The following ITPK1 variants were observed in gnomAD, a reference collection of about 807,000 sequenced individuals.
The protein encoded by ITPK1 is inositol 1,3,4-trisphosphate 5/6-kinase.
In ITPK1, 21 loss-of-function variants were observed where a neutral mutation model predicts 45.3. That is an observed-to-expected ratio of 0.46 (90% CI 0.33 to 0.67). The LOEUF (loss-of-function observed/expected upper bound fraction) is 0.67, where lower values mean the gene tolerates loss of function less well. Ranked by LOEUF, ITPK1 falls within the 30% of genes least tolerant of loss-of-function variation. The pLI is 0.02. For synonymous variants in ITPK1, 258 were observed against 253.6 expected (o/e 1.02, Z -0.16); for missense variants, 474 against 573.5 (o/e 0.83, Z 1.77).
chr14:93,059,540 C>A (rs2139948425), intron 3 of ITPK1, among the ~76,000 whole-genome samples: 1 of 33,646 alleles, frequency 3.0e-5, no homozygotes, highest in Admixed American at 4.2e-4. Context: ...GGGGAGGGTG[C>A]TGGTCATGAG....
chr14:92,969,661 C>T (rs1188217810), intron 5 of ITPK1, among the ~76,000 whole-genome samples: 4 of 152,098 alleles, frequency 2.6e-5, no homozygotes, highest in Admixed American at 1.3e-4. Context: ...GCAGTGGTGG[C>T]GCCAGCAGCT....
rs140150912 is a variant in ITPK1 at position 92,959,790 on chromosome 14, G to T, written c.505-1424C>A. ...AAACAAAACAAAAACCCAAATAAAA[G>T]AGTTCTGAGAACATAAAATGAAGAC... is the stretch of plus-strand genomic sequence containing the variant. On this transcript the variant is annotated intron_variant, in intron 7 of 10. Transcript: ENST00000267615. 3.5e-3 allele frequency among the ~76,000 whole-genome samples: 525 copies of T among 151,956 alleles called. 6 individuals are homozygous for T. The highest frequency in any genetic ancestry group is 0.012 in the African/African-American group (511 of 41,390).
intron 5 of ITPK1, among the ~76,000 whole-genome samples, chr14:92,989,631 G>A (rs1032558270): frequency 2.0e-5 from 3 of 152,144 alleles, no homozygotes; most frequent in African/African-American, 7.2e-5. Context: ...GGCTGCTGAT[G>A]GGAGAAAGAG....
At chr14:93,011,898 T>G (rs1887929872) in intron 4 of ITPK1, among the ~76,000 whole-genome samples, 1 of 132,680 alleles carries the variant, frequency 7.5e-6, no homozygotes, top group South Asian at 2.7e-4. Context: ...CCCTGCAGGA[T>G]AGAGTCCAAG....
At position 93,036,358 on chromosome 14, in the gene ITPK1, A is replaced by G. The variant is rs1388615615; in HGVS notation, c.121-19557T>C. On this transcript the variant is annotated intron_variant, in intron 3 of 10. Coordinates refer to ENST00000267615, the MANE Select transcript of ITPK1 (RefSeq NM_014216.6). The surrounding 1 kb of genome is among the most constrained non-coding windows in gnomAD (Gnocchi z 4.1). ...CTGTGACAGCGTGAGAAGAACTGCA[A>G]ACATCTCACTGAGGTTTAAGATAAA... Among the ~76,000 whole-genome samples the G allele has an allele frequency of 6.6e-6, 1 of 152,196 alleles. No individual in the cohort carries two copies. The highest frequency in any genetic ancestry group is 2.4e-5 in the African/African-American group (1 of 41,438).
chr14:93,016,768 G>C lies in ITPK1; in HGVS notation c.154C>G (p.Pro52Ala), dbSNP rs1183985457. Residue 52 changes from proline to alanine, a missense_variant, in exon 4 of 11, where the codon CCC becomes GCC. Physicochemically the swap from Pro to Ala is conservative, Grantham distance 27 (BLOSUM62 -1). Coordinates refer to ENST00000267615, the MANE Select transcript of ITPK1 (RefSeq NM_014216.6). The surrounding 1 kb of genome is among the most constrained non-coding windows in gnomAD (Gnocchi z 5.0). ...NLSRPIEEQGPLDVIIHKLTD... is the reference protein window; with the variant it reads ...NLSRPIEEQGALDVIIHKLTD... ...AGCTTGTGGATGATGACGTCCAGGG[G>C]GCCCTGCTCCTCGATCGGCCGGCTA... The C allele has an allele frequency of 1.2e-6, 2 of 1,613,998 alleles. No homozygotes were observed. The highest frequency in any genetic ancestry group is 1.7e-6 in the Non-Finnish European group (2 of 1,180,014).
chr14:93,104,213 C>T (rs531373104), intron 2 of ITPK1, among the ~76,000 whole-genome samples: 28 of 152,310 alleles, frequency 1.8e-4, no homozygotes, highest in Admixed American at 1.3e-3. Flanking sequence ...AGGCAGGGCG[C>T]GGTCGCTCAC....
intron 3 of ITPK1, among the ~76,000 whole-genome samples, chr14:93,043,342 A>G (rs1889642083): frequency 6.6e-6 from 1 of 152,224 alleles, no homozygotes; most frequent in Non-Finnish European, 1.5e-5. Flanking sequence ...TGGATTTCTG[A>G]GGGCAGGAAA....
chr14:93,075,855 C>G (rs1891199081), intron 3 of ITPK1, among the ~76,000 whole-genome samples: 1 of 140,448 alleles, frequency 7.1e-6, no homozygotes, highest in African/African-American at 3.1e-5. Flanking sequence ...CCCAGCTGCA[C>G]AGACCACAGT....
rs368165245 is a variant in ITPK1, at chr14:93,016,579, GAGCTGCTAC to G, written c.246+88_246+96del. 12 of 1,376,710 alleles carry G rather than the reference GAGCTGCTAC, an allele frequency of 8.7e-6. 1 individual carries two copies. The African/African-American group carries it at 1.6e-4, about 18-fold the overall frequency. The allele number at this position is 1,376,710 out of a possible 1,614,324, so 85.3% of individuals were successfully genotyped here. A position where few individuals can be genotyped will look rare whatever the true frequency, so the allele number is the denominator to read the frequency against. ...CATTTCTCCAGACTATACCTCCAGAGAGCTGCTACCGCCCTAAATACACACACGGCCATT... is the reference window on the plus strand; with the variant it reads ...CATTTCTCCAGACTATACCTCCAGAGCGCCCTAAATACACACACGGCCATT... On this transcript the variant is annotated intron_variant, in intron 4 of 10. Coordinates refer to ENST00000267615, the MANE Select transcript of ITPK1 (RefSeq NM_014216.6). The surrounding 1 kb of genome is among the most constrained non-coding windows in gnomAD (Gnocchi z 5.0).
At chr14:93,044,897 C>T (rs1889716001) in intron 3 of ITPK1, among the ~76,000 whole-genome samples, 1 of 152,218 alleles carries the variant, frequency 6.6e-6, no homozygotes, top group African/African-American at 2.4e-5. Flanking sequence ...GGGTAAGGGC[C>T]TTAAATGCCC....
chr14:92,952,120 C>T, intron 8 of ITPK1, 107 bp from the exon 9 acceptor site: 3 of 892,404 alleles, frequency 3.4e-6, no homozygotes, highest in Admixed American at 2.0e-5. Flanking sequence ...CAACACGTGG[C>T]CCCCGGCTCT....
rs186806068 is a variant in ITPK1 at position 92,958,650 on chromosome 14, C to A, written c.505-284G>T. Among the ~76,000 whole-genome samples, 154 of 152,342 alleles carry A rather than the reference C, an allele frequency of 1.0e-3. 1 individual carries two copies. Among genetic ancestry groups the A allele is most frequent in the Admixed American group, 9.9e-3 (152 of 15,308 alleles). ...CACTGCACAACTTCTGAGAGCGTGA[C>A]ACCACTTGTCGCACTGTGGTCCAGG... On this transcript the variant is annotated intron_variant, in intron 7 of 10. Coordinates refer to ENST00000267615, the MANE Select transcript of ITPK1 (RefSeq NM_014216.6). This position sits in a 1 kb window ranked among gnomAD's most constrained non-coding sequence, Gnocchi z 4.4.
rs79982246 is a variant in ITPK1 at position 92,974,234 on chromosome 14, G to A, written c.365-11385C>T. On this transcript the variant is annotated intron_variant, in intron 5 of 10. Coordinates refer to ENST00000267615, the MANE Select transcript of ITPK1 (RefSeq NM_014216.6). ...AGGGCTGGATTTGTAGGGGATTTGG[G>A]CGCTTCCGAAAGGATGGAAACAATT... is the stretch of plus-strand genomic sequence containing the variant. 9.9e-3 allele frequency among the ~76,000 whole-genome samples: 1,505 copies of A among 152,316 alleles called. 10 individuals are homozygous for A. The highest frequency in any genetic ancestry group is 0.015 in the Non-Finnish European group (1,025 of 68,012).
At chr14:93,088,343 T>C (rs987111149) in intron 2 of ITPK1, among the ~76,000 whole-genome samples, 10 of 144,488 alleles carry the variant, frequency 6.9e-5, no homozygotes, top group Non-Finnish European at 1.1e-4. Flanking sequence ...TTTGTTTTGT[T>C]TTTTTTTTTT....
intron 3 of ITPK1, chr14:93,071,615 A>G (rs931029556): frequency 1.3e-5 from 2 of 152,228 alleles, no homozygotes; most frequent in Non-Finnish European, 2.9e-5. Context: ...AATGGATCCA[A>G]TGGTATCTAA....
At chr14:92,995,509 G>A (rs950468646) in intron 4 of ITPK1, among the ~76,000 whole-genome samples, 1 of 152,216 alleles carries the variant, frequency 6.6e-6, no homozygotes, top group African/African-American at 2.4e-5. Context: ...CCTCTCCTTG[G>A]ATTTCGCGGC....
At chr14:93,008,348 G>A (rs559606606) in intron 4 of ITPK1, among the ~76,000 whole-genome samples, 40 of 152,196 alleles carry the variant, frequency 2.6e-4, no homozygotes, top group African/African-American at 9.2e-4. Flanking sequence ...CAGGGGCTGC[G>A]TCCACCAGGT....
chr14:93,087,030 G>GA (rs1191207928), intron 2 of ITPK1, among the ~76,000 whole-genome samples: 1 of 152,238 alleles, frequency 6.6e-6, no homozygotes, highest in Admixed American at 6.5e-5. Flanking sequence ...CAAGCCCTAA[G>GA]AAGAGCAGGG....
Sources: allele counts gnomAD v4.1 joint callset (sites outside exome capture counted in the v4.1 genomes callset), GRCh38; gene constraint gnomAD v4.1.1; non-coding constraint Gnocchi (gnomAD v3.1); transcripts MANE v1.5; gene names NCBI Gene and HGNC (gene_info 2026-07-23, HGNC 2026-07-21).